C4orf36: variants seen among roughly 807,000 people sequenced by gnomAD.
The protein encoded by C4orf36 is chromosome 4 open reading frame 36.
A neutral mutation model predicts 12.2 loss-of-function variants in C4orf36; 11 were observed. The observed-to-expected ratio is 0.90, with a 90% CI of 0.57 to 1.49. The LOEUF is 1.49. Among genes scored for constraint, C4orf36 ranks in the 40% most tolerant of loss-of-function variants. C4orf36 has a pLI of 0.00. For missense variants in C4orf36, 137 were observed against 133.9 expected, an observed-to-expected ratio of 1.02 and a Z score of -0.11; for synonymous variants, 54 against 51.3, an observed-to-expected ratio of 1.05 and a Z score of -0.22.
At chr4:86,912,721 CAT>C in the C4orf36 span, among the ~76,000 whole-genome samples, 5 of 152,192 alleles carry the variant, frequency 3.3e-5, no homozygotes, top group East Asian at 3.9e-4. Context: ...TACACACACA[CAT>C]GAGCATATAG....
At position 86,886,121 on chromosome 4, in the gene C4orf36, T is replaced by C. The variant is rs1453968798; in HGVS notation, c.*2+1637A>G. ...TTTGCCAGTATTTTATTGAGGATTT[T>C]TGCATCGATGTTCATCAGGGATATT... On this transcript the variant is annotated intron_variant, in intron 4 of 4. Transcript: ENST00000295898. 3.9e-5 allele frequency among the ~76,000 whole-genome samples: 6 copies of C among 152,354 alleles called. No homozygotes were observed. The East Asian group carries it at 1.2e-3, about 29-fold the overall frequency.
At chr4:86,918,425 C>T in the C4orf36 span, among the ~76,000 whole-genome samples, 4 of 152,214 alleles carry the variant, frequency 2.6e-5, no homozygotes, top group Non-Finnish European at 5.9e-5. Flanking sequence ...CCTTTCACTA[C>T]TGTATCAAAT....
intron 4 of C4orf36, among the ~76,000 whole-genome samples, chr4:86,879,092 T>TTTCTTG (rs1560469725): frequency 6.6e-6 from 1 of 152,108 alleles, no homozygotes; most frequent in African/African-American, 2.4e-5. Flanking sequence ...TTTTTGTTTG[T>TTTCTTG]TTTTTGTTTT....
the C4orf36 span, among the ~76,000 whole-genome samples, chr4:86,903,050 C>A: frequency 6.6e-6 from 1 of 152,188 alleles, no homozygotes; most frequent in African/African-American, 2.4e-5. Context: ...ACCTGGTTAG[C>A]AGCTTTAGAG....
chr4:86,927,930 T>C, the C4orf36 span, among the ~76,000 whole-genome samples: 27,241 of 152,192 alleles, frequency 0.18, 2,515 homozygotes, highest in South Asian at 0.21. Context: ...GAGTGGAGGT[T>C]GCTGTAATGG....
chr4:86,912,621 CG>C, the C4orf36 span, among the ~76,000 whole-genome samples: 1 of 152,072 alleles, frequency 6.6e-6, no homozygotes, highest in Non-Finnish European at 1.5e-5. Context: ...AGCAATATTT[CG>C]GTATGGTTTT....
chr4:86,876,395 G>C lies in C4orf36; in HGVS notation c.*51C>G. The C allele has an allele frequency of 6.2e-7, 1 of 1,609,768 alleles. No homozygotes were observed. Among genetic ancestry groups the C allele is most frequent in the South Asian group, 1.1e-5 (1 of 90,850 alleles). On this transcript the variant is annotated 3_prime_UTR_variant, in exon 5 of 5. Transcript: ENST00000295898. ...GGTCCTGGGCGGCCCAGGAGAAGCA[G>C]TTCCCGCCGGCGCTGCTGAGTTTCT...
chr4:86,909,486 C>A, the C4orf36 span, among the ~76,000 whole-genome samples: 1 of 152,172 alleles, frequency 6.6e-6, no homozygotes, highest in Non-Finnish European at 1.5e-5. Flanking sequence ...ACAGTGACCA[C>A]AGGCGCAACA....
intron 4 of C4orf36, among the ~76,000 whole-genome samples, chr4:86,878,481 T>C (rs995023669): frequency 6.6e-6 from 1 of 152,144 alleles, no homozygotes; most frequent in African/African-American, 2.4e-5. Flanking sequence ...CTTAACAATA[T>C]ACAAACCAAA....
chr4:86,933,022 T>G, the C4orf36 span: 1 of 152,174 alleles, frequency 6.6e-6, no homozygotes, highest in Non-Finnish European at 1.5e-5. Context: ...TGTCTGAAAT[T>G]TAAAAAGTAG....
chr4:86,922,293 T>C, the C4orf36 span, among the ~76,000 whole-genome samples: 1 of 151,748 alleles, frequency 6.6e-6, no homozygotes, highest in Non-Finnish European at 1.5e-5. Context: ...CCCAAAACAA[T>C]GAAAGGAAAA....
rs747323965 is a variant in C4orf36, at chr4:86,890,199, GAGGGAGGGAGGA to G, written c.65+1245_65+1256del. On this transcript the variant is annotated intron_variant, in intron 2 of 4. Coordinates refer to ENST00000295898, the MANE Select transcript of C4orf36 (RefSeq NM_144645.4). ...GAAAGAAGGGAGGGAGGGAGGGAGGGAGGGAGGGAGGAAGGAAGGAAGGAAGGAAGGAAGGAA... is the reference window on the plus strand; with the variant it reads ...GAAAGAAGGGAGGGAGGGAGGGAGGGAGGAAGGAAGGAAGGAAGGAAGGAA... 1,187 of 245,686 alleles carry G rather than the reference GAGGGAGGGAGGA, an allele frequency of 4.8e-3. 20 individuals are homozygous for G. The highest frequency in any genetic ancestry group is 0.027 in the African/African-American group (1,047 of 38,830). 15.2% of individuals were successfully genotyped at this position (245,686 alleles called of 1,614,324 possible). A position where few individuals can be genotyped will look rare whatever the true frequency, so the allele number is the denominator to read the frequency against.
At chr4:86,919,945 C>T in the C4orf36 span, among the ~76,000 whole-genome samples, 1 of 152,128 alleles carries the variant, frequency 6.6e-6, no homozygotes, top group Non-Finnish European at 1.5e-5. Flanking sequence ...GGGAGAATTG[C>T]TTAAGCCCAG....
chr4:86,891,321 C>T, intron 2 of C4orf36, 135 bp downstream of exon 2: 1 of 607,764 alleles, frequency 1.6e-6, no homozygotes, highest in Non-Finnish European at 2.6e-6. Context: ...AAATCAGATC[C>T]CAGACACCTC....
intron 4 of C4orf36, among the ~76,000 whole-genome samples, chr4:86,886,109 T>C (rs897674142): frequency 4.1e-4 from 63 of 152,352 alleles, no homozygotes; most frequent in African/African-American, 1.4e-3. Flanking sequence ...GCCAGTATTT[T>C]ATTGAGGATT....
chr4:86,888,160 A>G lies in C4orf36; in HGVS notation c.181T>C (p.Cys61Arg). The change falls in exon 3 of 5, where the codon TGT becomes CGT. Residue 61 changes from cysteine to arginine, a missense_variant. Transcript: ENST00000295898. ...AGCAGTCCATCTTTAATGGTGGTAC[A>G]TTTTGTGAGCTGCACAGAACCACCA... Reference protein sequence around the residue: ...SFGGSVQLTKCTTIKDGLLPS... With the variant: ...SFGGSVQLTKRTTIKDGLLPS... 3 of 1,614,124 alleles carry G rather than the reference A, an allele frequency of 1.9e-6. No homozygotes were observed. Among genetic ancestry groups the G allele is most frequent in the Admixed American group, 1.7e-5 (1 of 60,014 alleles).
chr4:86,921,126 T>C, the C4orf36 span, among the ~76,000 whole-genome samples: 1 of 151,532 alleles, frequency 6.6e-6, no homozygotes, highest in African/African-American at 2.4e-5. Context: ...GATCACACCA[T>C]TGCACTCTAG....
the C4orf36 span, among the ~76,000 whole-genome samples, chr4:86,927,750 G>C: frequency 6.6e-6 from 1 of 151,140 alleles, no homozygotes; most frequent in African/African-American, 2.4e-5. Context: ...AGTGTGCCGA[G>C]ATCACGCCAC....
At chr4:86,924,155 C>T in the C4orf36 span, among the ~76,000 whole-genome samples, 17 of 152,168 alleles carry the variant, frequency 1.1e-4, 1 homozygote, top group Non-Finnish European at 4.4e-5. Flanking sequence ...ATCCTCCAAC[C>T]TAAGCCTCCC....
Sources: gnomAD v4.1 joint callset for allele counts (sites outside exome capture counted in the v4.1 genomes callset) on GRCh38, gnomAD v4.1.1 for gene constraint, MANE v1.5 for transcripts, NCBI Gene and HGNC (gene_info 2026-07-23, HGNC 2026-07-21) for gene names.